ATG16L2: variants seen among roughly 807,000 people sequenced by gnomAD.
The protein encoded by ATG16L2 is autophagy related 16 like 2, also known as protein Atg16l2.
A neutral mutation model predicts 84.7 loss-of-function variants in ATG16L2; 77 were observed. The ratio of observed to expected loss-of-function variants is 0.91; its 90% CI spans 0.76 to 1.10. ATG16L2 has a LOEUF of 1.10. ATG16L2 is among the 50% of genes least tolerant of loss of function. ATG16L2 has a pLI of 0.00. For synonymous variants in ATG16L2, 361 were observed against 342.8 expected (o/e 1.05, Z -0.59); for missense variants, 782 against 817.6 (o/e 0.96, Z 0.53).
At position 72,826,512 on chromosome 11, in the gene ATG16L2, C is replaced by T; in HGVS notation, c.1174-6C>T. On this transcript the variant is annotated splice_polypyrimidine_tract_variant and splice_region_variant and intron_variant, in intron 11 of 17. Coordinates refer to ENST00000321297, the MANE Select transcript of ATG16L2 (RefSeq NM_033388.2). ...GCACCTCTCACTTCCTCTCCCATTT[C>T]TCCAGGGCTACCAGGTTTTAGCAGC... 6.2e-7 allele frequency: 1 copy of T among 1,614,044 alleles called. No individual in the cohort carries two copies. The highest frequency in any genetic ancestry group is 2.2e-5 in the East Asian group (1 of 44,880).
intron 8 of ATG16L2, 141 bp downstream of exon 8, chr11:72,824,263 G>A: frequency 9.9e-7 from 1 of 1,014,798 alleles, no homozygotes; most frequent in Non-Finnish European, 1.5e-6. Context: ...CTTGGAGACA[G>A]GAGCCAGGTG....
At chr11:72,827,132 G>A in intron 13 of ATG16L2, 56 bp from the exon 14 acceptor site, 1 of 1,372,330 alleles carries the variant, frequency 7.3e-7, no homozygotes, top group East Asian at 2.3e-5. Context: ...ATGTCCTGTG[G>A]GGTGGCTCCC....
At chr11:72,843,445 A>G in exon 6 of ATG16L2, 1 of 1,611,636 alleles carries the variant, frequency 6.2e-7, no homozygotes, top group South Asian at 1.1e-5. Context: ...GCAAAGGAAT[A>G]TACCTTTACC....
At chr11:72,843,008 A>G in exon 6 of ATG16L2, 1 of 915,082 alleles carries the variant, frequency 1.1e-6, no homozygotes. Context: ...TCTACTGTGC[A>G]GGACAAACGT....
At position 72,828,793 on chromosome 11, in the gene ATG16L2, A is replaced by G; in HGVS notation, c.1670+17A>G. On this transcript the variant is annotated intron_variant, in intron 16 of 17. Transcript: ENST00000321297. ...TGTGTTCAGGTATGTCCGTGAGAGC[A>G]TATGCCTGTGTCCAAGTGTGCCCTG... 2 of 1,614,140 alleles carry G rather than the reference A, an allele frequency of 1.2e-6. No homozygotes were observed. Among genetic ancestry groups the G allele is most frequent in the Non-Finnish European group, 1.7e-6 (2 of 1,180,022 alleles).
chr11:72,826,045 T>G, intron 10 of ATG16L2, 128 bp from the exon 11 acceptor site: 2 of 739,770 alleles, frequency 2.7e-6, no homozygotes, highest in Non-Finnish European at 4.4e-6. Context: ...GACCCAGCGA[T>G]TCTGTCTTCT....
In ATG16L2 at chr11:72,822,159, C is replaced by G. The variant is rs769592479; in HGVS notation, c.508C>G (p.Leu170Val). The change falls in exon 5 of 18, where the codon CTG (leucine) becomes GTG (valine). Residue 170 changes from leucine to valine, a missense_variant. By Grantham distance (32) the Leu-to-Val change is conservative. Coordinates refer to ENST00000321297, the MANE Select transcript of ATG16L2 (RefSeq NM_033388.2). This position sits in a 1 kb window ranked among gnomAD's most constrained non-coding sequence, Gnocchi z 4.2. ...NAVQRAAYEA[L>V]RAHVGLREAA... ...GGTGCAGCGGGCAGCCTACGAGGCG[C>G]TGCGCGCGCACGTCGGGCTCCGGGA... 2.8e-5 allele frequency: 41 copies of G among 1,490,396 alleles called. No individual in the cohort carries two copies. The South Asian group carries it at 5.2e-4, about 19-fold the overall frequency. The allele number at this position is 1,490,396 out of a possible 1,614,324, so 92.3% of individuals were successfully genotyped here.
At chr11:72,842,759 G>A in exon 6 of ATG16L2, 1 of 1,613,956 alleles carries the variant, frequency 6.2e-7, no homozygotes, top group Non-Finnish European at 8.5e-7. Context: ...CTTTGTTCAA[G>A]ATACGGATTA....
chr11:72,831,582 A>C (rs1403435009), downstream of ATG16L2, among the ~76,000 whole-genome samples: 1 of 152,126 alleles, frequency 6.6e-6, no homozygotes, highest in Non-Finnish European at 1.5e-5. Context: ...ACATTCTTCG[A>C]TACTCAGCCT....
intron 5 of ATG16L2, chr11:72,840,747 C>T: frequency 3.1e-6 from 2 of 635,012 alleles, no homozygotes; most frequent in Non-Finnish European, 5.6e-6. Context: ...CTCTTTTTAC[C>T]TTCCCAAACC....
chr11:72,823,536 C>CT (rs1466956921), intron 7 of ATG16L2: 1 of 402,214 alleles, frequency 2.5e-6, no homozygotes, highest in East Asian at 7.1e-5. Context: ...CCTAACACCT[C>CT]TTCTCAGTCT....
intron 14 of ATG16L2, among the ~76,000 whole-genome samples, chr11:72,827,743 A>C (rs926725931): frequency 5.3e-5 from 8 of 152,176 alleles, no homozygotes; most frequent in African/African-American, 1.9e-4. Context: ...GTTTGAGACC[A>C]GCCTAGCCAA....
intron 5 of ATG16L2, chr11:72,838,558 G>T (rs1860802800): frequency 3.6e-6 from 2 of 555,706 alleles, no homozygotes; most frequent in South Asian, 2.1e-5. Context: ...CCTAGGGTCC[G>T]CTAGGATTTG....
chr11:72,819,318 A>G (rs1859849799), intron 3 of ATG16L2, among the ~76,000 whole-genome samples: 1 of 152,176 alleles, frequency 6.6e-6, no homozygotes, highest in South Asian at 2.1e-4. Context: ...TATCTGACAT[A>G]GTACAAGTAA....
rs1422653145 is a variant in ATG16L2 at position 72,828,770 on chromosome 11, T to C, written c.1664T>C (p.Val555Ala). 1.2e-6 allele frequency: 2 copies of C among 1,614,170 alleles called. No individual in the cohort carries two copies. Among genetic ancestry groups the C allele is most frequent in the Non-Finnish European group, 1.7e-6 (2 of 1,180,030 alleles). The change falls in exon 16 of 18, where the codon GTG (valine) becomes GCG (alanine). Residue 555 changes from valine (V) to alanine (A), a missense_variant. By Grantham distance (64) the Val-to-Ala change is moderately conservative (BLOSUM62 0). Coordinates refer to ENST00000321297, the MANE Select transcript of ATG16L2 (RefSeq NM_033388.2). ...FKCGSDWTKAVFSPDRSYALA... is the reference protein window; with the variant it reads ...FKCGSDWTKAAFSPDRSYALA... ...TGTGGTTCTGACTGGACCAAAGCTG[T>C]GTTCAGGTATGTCCGTGAGAGCATA...
At chr11:72,838,721 TAA>T in intron 5 of ATG16L2, 2 of 1,364,316 alleles carry the variant, frequency 1.5e-6, no homozygotes, top group Non-Finnish European at 2.0e-6. Flanking sequence ...CAAAGGTGCC[TAA>T]AAAACAAGAC....
chr11:72,816,510 G>C (rs1415370186), intron 1 of ATG16L2, among the ~76,000 whole-genome samples: 1 of 152,164 alleles, frequency 6.6e-6, no homozygotes, highest in Non-Finnish European at 1.5e-5. Flanking sequence ...TTCCACGTGG[G>C]CCTGGGGACC....
At chr11:72,833,470 A>G (rs988076914), downstream of ATG16L2, among the ~76,000 whole-genome samples, 4 of 152,104 alleles carry the variant, frequency 2.6e-5, no homozygotes, top group Admixed American at 2.6e-4. Context: ...AGTCACAGCT[A>G]ATCTGAGGTG....
chr11:72,842,882 C>T, exon 6 of ATG16L2: 9 of 1,538,686 alleles, frequency 5.8e-6, no homozygotes, highest in Non-Finnish European at 8.1e-6. Context: ...AGATAATTAA[C>T]AGCCGGTTGC....
Sources: gnomAD v4.1 joint callset for allele counts (sites outside exome capture counted in the v4.1 genomes callset) on GRCh38, gnomAD v4.1.1 for gene constraint, Gnocchi (gnomAD v3.1) non-coding constraint, MANE v1.5 for transcripts, NCBI Gene and HGNC (gene_info 2026-07-23, HGNC 2026-07-21) for gene names.